Variants in NEXMIF observed in about 807,000 individuals in gnomAD.
NEXMIF encodes the protein neurite extension and migration factor, also known as XLMR protein related to neurite extension.
A neutral mutation model predicts 62.1 loss-of-function variants in NEXMIF; 8 were observed. The observed-to-expected ratio is 0.13, with a 90% confidence interval of 0.08 to 0.23. NEXMIF has a LOEUF of 0.23. NEXMIF is among the 10% of genes least tolerant of loss of function. The pLI, the probability that NEXMIF is intolerant of heterozygous loss-of-function variation, is 1.00. For missense variants in NEXMIF, 976 were observed against 1,113.3 expected (o/e 0.88, Z 1.75); for synonymous variants, 404 against 416.6 (o/e 0.97, Z 0.37).
chrX:74,920,452 T>C (rs1392578445), intron 1 of NEXMIF, among the ~76,000 whole-genome samples: 1 of 111,760 alleles, frequency 8.9e-6, no homozygotes, highest in African/African-American at 3.3e-5. Flanking sequence ...TCATATCCTT[T>C]GCCCACTTTT....
chrX:74,780,535 ATT>A (rs373988039), intron 1 of NEXMIF, among the ~76,000 whole-genome samples: 1 of 100,908 alleles, frequency 9.9e-6, no homozygotes, highest in Non-Finnish European at 2.0e-5. Flanking sequence ...TGCCTGGCTA[ATT>A]TTTTTTTTTT....
chrX:74,741,710 C>T lies in NEXMIF; in HGVS notation c.2847G>A (p.Leu949=), dbSNP rs766642351. The change falls in exon 3 of 4, where the codon CTG becomes CTA. Residue 949 remains leucine (L), a synonymous_variant. Coordinates refer to ENST00000055682, the MANE Select transcript of NEXMIF (RefSeq NM_001008537.3). ...GTTGGGTATCTTGCATGGAGTCATA[C>T]AGGACCTTGTTGCAATTACTGCCAC... The part of the protein sequence containing the change: ...NSGGSNCNKV[L]YDSMQDTQLP... 3.3e-6 allele frequency: 4 copies of T among 1,211,535 alleles called. No homozygotes were observed. The highest frequency in any genetic ancestry group is 3.5e-5 in the South Asian group (2 of 57,002).
intron 1 of NEXMIF, among the ~76,000 whole-genome samples, chrX:74,793,012 G>T (rs1490996277): frequency 9.2e-6 from 1 of 108,780 alleles, no homozygotes; most frequent in Non-Finnish European, 1.9e-5. Flanking sequence ...ATTTGATCCT[G>T]TCATTATGAT....
intron 1 of NEXMIF, among the ~76,000 whole-genome samples, chrX:74,774,905 C>G (rs2080224248): frequency 9.0e-6 from 1 of 111,645 alleles, no homozygotes; most frequent in Non-Finnish European, 1.9e-5. Context: ...TTGATCTTTT[C>G]CCAGTGCCAG....
At chrX:74,922,847 A>G (rs1486632649) in intron 1 of NEXMIF, among the ~76,000 whole-genome samples, 2 of 112,042 alleles carry the variant, frequency 1.8e-5, no homozygotes, top group African/African-American at 6.5e-5. Context: ...GTCTAAAAGG[A>G]AAAAAGCATG....
chrX:74,819,010 A>T (rs767091416), intron 1 of NEXMIF, among the ~76,000 whole-genome samples: 1 of 111,917 alleles, frequency 8.9e-6, no homozygotes, highest in Admixed American at 9.5e-5. Flanking sequence ...AACAGAACAG[A>T]GGCCTCAGAA....
intron 1 of NEXMIF, among the ~76,000 whole-genome samples, chrX:74,771,612 TG>T (rs756459259): frequency 9.1e-6 from 1 of 110,157 alleles, no homozygotes; most frequent in Non-Finnish European, 1.9e-5. Flanking sequence ...GAGGTGAGGG[TG>T]GGGAGAAAGG....
intron 1 of NEXMIF, among the ~76,000 whole-genome samples, chrX:74,853,969 C>T (rs2147495700): frequency 8.9e-6 from 1 of 111,881 alleles, no homozygotes; most frequent in South Asian, 3.7e-4. Context: ...AGCCCAGGAC[C>T]AGATGGCTTC....
chrX:74,821,782 C>T (rs907711368), intron 1 of NEXMIF, among the ~76,000 whole-genome samples: 6 of 111,219 alleles, frequency 5.4e-5, no homozygotes, highest in Non-Finnish European at 9.4e-5. Context: ...CAGGCCGGAG[C>T]GCCGTGGCTC....
rs1185528475 is a variant in NEXMIF, at chrX:74,738,365, G to A, written c.*1040C>T. 1.8e-5 allele frequency: 2 copies of A among 111,392 alleles called. No homozygotes were observed. Among genetic ancestry groups the A allele is most frequent in the Admixed American group, 1.9e-4 (2 of 10,368 alleles). 9.2% of individuals were successfully genotyped at this position (111,392 alleles called of 1,213,427 possible). A position where few individuals can be genotyped will look rare whatever the true frequency, so the allele number is the denominator to read the frequency against. ...ATTTTCTTTAAATGACATTGGCATT[G>A]CAAGATTAAACACTGAAAGAACACT... is the stretch of plus-strand genomic sequence containing the variant. On this transcript the variant is annotated 3_prime_UTR_variant, in exon 4 of 4. Coordinates refer to ENST00000055682, the MANE Select transcript of NEXMIF (RefSeq NM_001008537.3).
chrX:74,924,188 A>G (rs1453402101), intron 1 of NEXMIF, among the ~76,000 whole-genome samples: 2 of 111,316 alleles, frequency 1.8e-5, no homozygotes, highest in African/African-American at 6.5e-5. Context: ...AGGGTGTACA[A>G]GACGCGAGCC....
intron 1 of NEXMIF, among the ~76,000 whole-genome samples, chrX:74,788,379 T>G (rs1219818555): frequency 8.9e-6 from 1 of 111,879 alleles, no homozygotes; most frequent in African/African-American, 3.2e-5. Flanking sequence ...ATTTGTATGA[T>G]GTTAAACTTA....
intron 1 of NEXMIF, among the ~76,000 whole-genome samples, chrX:74,914,980 A>G (rs1394706392): frequency 2.7e-5 from 3 of 112,632 alleles, no homozygotes; most frequent in Non-Finnish European, 5.6e-5. Context: ...AAAATCTTGA[A>G]ATGATAAAAC....
At position 74,742,703 on chromosome X, in the gene NEXMIF, C is replaced by T. The variant is rs142687313; in HGVS notation, c.1854G>A (p.Glu618=). The change falls in exon 3 of 4, where the codon GAG becomes GAA. Residue 618 remains glutamate (E), a synonymous_variant. Transcript: ENST00000055682. ...QKQSFEPGSF[E]VSFLPPARKR... is the part of the protein sequence containing the mutation. ...TGCGAGCAGGTGGCAGAAATGACACCTCAAAGCTACCTGGTTCAAAGCTTT... is the reference window on the plus strand; with the variant it reads ...TGCGAGCAGGTGGCAGAAATGACACTTCAAAGCTACCTGGTTCAAAGCTTT... 2.0e-4 allele frequency: 237 copies of T among 1,209,060 alleles called. No homozygotes were observed. Among genetic ancestry groups the T allele is most frequent in the Non-Finnish European group, 2.6e-4 (229 of 894,754 alleles).
intron 1 of NEXMIF, among the ~76,000 whole-genome samples, chrX:74,886,105 A>C (rs1245565009): frequency 8.9e-6 from 1 of 112,194 alleles, no homozygotes; most frequent in Non-Finnish European, 1.9e-5. Context: ...ACAGCCTTTC[A>C]TGCTAAAAAC....
Position 74,800,437 on chromosome X carries a change from C to T in NEXMIF, c.-47-54740G>A, listed in dbSNP as rs115027444. On this transcript the variant is annotated intron_variant, in intron 1 of 3. Transcript: ENST00000055682. ...CTATTTTTATTTACTTTAAAAATTA[C>T]GCATAGTAAAAATAATTTTTCATTG... Among the ~76,000 whole-genome samples the T allele has an allele frequency of 5.7e-3, 627 of 110,662 alleles. 2 individuals are homozygous for T. Among genetic ancestry groups the T allele is most frequent in the African/African-American group, 0.02 (598 of 30,524 alleles).
intron 1 of NEXMIF, among the ~76,000 whole-genome samples, chrX:74,751,649 C>CTTCCTTCCTTCCT (rs2080143310): frequency 1.0e-5 from 1 of 99,378 alleles, no homozygotes; most frequent in African/African-American, 3.7e-5. Flanking sequence ...TCCTTCCTTC[C>CTTCCTTCCTTCCT]TTCCTTCCTT....
In NEXMIF at chrX:74,925,208, C is replaced by T. The variant is rs752533639; in HGVS notation, c.-373G>A. On this transcript the variant is annotated 5_prime_UTR_variant, in exon 1 of 4. Transcript: ENST00000055682. ...TGCCCGGCTGCTCCAAGGGTCCGTG[C>T]TTCGCTTACACTGTCGCTCGCCCCG... 6.5e-4 allele frequency: 76 copies of T among 117,097 alleles called. No homozygotes were observed. Among genetic ancestry groups the T allele is most frequent in the African/African-American group, 2.3e-3 (71 of 31,347 alleles). The allele number at this position is 117,097 out of a possible 1,213,427, so 9.7% of individuals were successfully genotyped here. A position where few individuals can be genotyped will look rare whatever the true frequency, so the allele number is the denominator to read the frequency against.
At chrX:74,766,839 T>C (rs1353606801) in intron 1 of NEXMIF, among the ~76,000 whole-genome samples, 1 of 112,210 alleles carries the variant, frequency 8.9e-6, no homozygotes, top group Non-Finnish European at 1.9e-5. Flanking sequence ...ATTGGTTCTT[T>C]CTCATCTCTG....
Sources: gnomAD v4.1 joint callset for allele counts (sites outside exome capture counted in the v4.1 genomes callset) on GRCh38, gnomAD v4.1.1 for gene constraint, MANE v1.5 for transcripts, NCBI Gene and HGNC (gene_info 2026-07-23, HGNC 2026-07-21) for gene names.